CDH4: variants seen among roughly 807,000 people sequenced by gnomAD.
The protein encoded by CDH4 is cadherin-4.
A neutral mutation model predicts 86.0 loss-of-function variants in CDH4; 33 were observed. The ratio of observed to expected loss-of-function variants is 0.38; its 90% CI spans 0.29 to 0.51. CDH4 has a LOEUF of 0.51. CDH4 is among the 20% of genes least tolerant of loss of function. The pLI is 0.86. For missense variants in CDH4, 1,114 were observed against 1,307.4 expected, an observed-to-expected ratio of 0.85 and a Z score of 2.28; for synonymous variants, 555 against 549.4, an observed-to-expected ratio of 1.01 and a Z score of -0.14.
intron 7 of CDH4, among the ~76,000 whole-genome samples, chr20:61,889,341 G>GAT (rs1182539545): frequency 1.5e-5 from 2 of 133,476 alleles, no homozygotes; most frequent in African/African-American, 2.8e-5. Context: ...TGGATGGATG[G>GAT]GTGAGTGGAT....
chr20:61,719,027 G>A (rs1051921795), intron 2 of CDH4: 25 of 471,100 alleles, frequency 5.3e-5, no homozygotes, highest in African/African-American at 5.0e-4. Flanking sequence ...CTCTAAGTGT[G>A]ATGAGAGAAG....
intron 8 of CDH4, among the ~76,000 whole-genome samples, chr20:61,897,341 G>A (rs146248326): frequency 1.2e-4 from 19 of 152,002 alleles, no homozygotes; most frequent in South Asian, 1.2e-3. Flanking sequence ...TCCCCATCCC[G>A]AGACTCTGGG....
At chr20:61,610,682 A>G (rs555074246) in intron 2 of CDH4, among the ~76,000 whole-genome samples, 80 of 152,226 alleles carry the variant, frequency 5.3e-4, no homozygotes, top group Non-Finnish European at 9.6e-4. Context: ...GGGTGAGGTC[A>G]TATTTCCCCA....
At chr20:61,458,502 TGA>T (rs2085422854) in intron 2 of CDH4, among the ~76,000 whole-genome samples, 1 of 151,282 alleles carries the variant, frequency 6.6e-6, no homozygotes, top group African/African-American at 2.4e-5. Flanking sequence ...GATGGTATGG[TGA>T]TGGTCACGAT....
chr20:61,935,716 G>C (rs551111429), intron 15 of CDH4, among the ~76,000 whole-genome samples: 1 of 151,924 alleles, frequency 6.6e-6, no homozygotes, highest in Non-Finnish European at 1.5e-5. Flanking sequence ...TGAGACCCCC[G>C]TCTCTACTAA....
At chr20:61,439,278 G>GCGTTT (rs2085302254) in intron 2 of CDH4, among the ~76,000 whole-genome samples, 1 of 152,176 alleles carries the variant, frequency 6.6e-6, no homozygotes, top group Admixed American at 6.5e-5. Context: ...ACTGCAGTGT[G>GCGTTT]CATTTCGGTT....
chr20:61,583,136 G>A (rs1277257921), intron 2 of CDH4, among the ~76,000 whole-genome samples: 1 of 56,278 alleles, frequency 1.8e-5, no homozygotes, highest in African/African-American at 4.8e-5. Context: ...TCTGCGGGGG[G>A]ACAGAGGGCT....
At chr20:61,662,535 G>A (rs921231433) in intron 2 of CDH4, among the ~76,000 whole-genome samples, 6 of 152,214 alleles carry the variant, frequency 3.9e-5, no homozygotes, top group Non-Finnish European at 8.8e-5. Context: ...GCTGGGGGCT[G>A]GGGGGCACAG....
chr20:61,451,273 A>G (rs1234540900), intron 2 of CDH4, among the ~76,000 whole-genome samples: 1 of 152,008 alleles, frequency 6.6e-6, no homozygotes, highest in Non-Finnish European at 1.5e-5. Context: ...GGCTGCATAT[A>G]AGGAGGAAAC....
In CDH4 at chr20:61,663,544, G is replaced by A. The variant is rs757509069; in HGVS notation, c.170-80019G>A. 1.3e-5 allele frequency among the ~76,000 whole-genome samples: 2 copies of A among 152,164 alleles called. No individual in the cohort carries two copies. The highest frequency in any genetic ancestry group is 2.9e-5 in the Non-Finnish European group (2 of 68,044). On this transcript the variant is annotated intron_variant, in intron 2 of 15. Coordinates refer to ENST00000614565, the MANE Select transcript of CDH4 (RefSeq NM_001794.5). The surrounding 1 kb of genome is among the most constrained non-coding windows in gnomAD (Gnocchi z 5.0). ...AGAGGGGCCGGAGGAAGGTGAACAGGGCAGGGGGCAGTGGGGCTGGATTTT... is the reference window on the plus strand; with the variant it reads ...AGAGGGGCCGGAGGAAGGTGAACAGAGCAGGGGGCAGTGGGGCTGGATTTT...
intron 3 of CDH4, among the ~76,000 whole-genome samples, chr20:61,761,407 C>T (rs1400306684): frequency 6.6e-6 from 1 of 152,180 alleles, no homozygotes; most frequent in Non-Finnish European, 1.5e-5. Context: ...CAGGCATGGC[C>T]GGTCCTTCCC....
intron 2 of CDH4, among the ~76,000 whole-genome samples, chr20:61,625,780 G>A (rs2086825104): frequency 6.6e-6 from 1 of 152,204 alleles, no homozygotes; most frequent in Non-Finnish European, 1.5e-5. Flanking sequence ...TTCACCTTCA[G>A]CACAGGGCAG....
chr20:61,331,404 C>A lies in CDH4; in HGVS notation c.169+76467C>A, dbSNP rs532751833. 1.8e-4 allele frequency among the ~76,000 whole-genome samples: 27 copies of A among 152,192 alleles called. No homozygotes were observed. The East Asian group carries it at 5.2e-3, about 29-fold the overall frequency. ...TGTGTCCAGTCCCTTCGCCGGCACCCAGAGCCAACTCCCACTGGCTGGCCT... is the reference window on the plus strand; with the variant it reads ...TGTGTCCAGTCCCTTCGCCGGCACCAAGAGCCAACTCCCACTGGCTGGCCT... On this transcript the variant is annotated intron_variant, in intron 2 of 15. Transcript: ENST00000614565.
rs1339281102 is a variant in CDH4 at position 61,829,549 on chromosome 20, C to T, written c.577-15119C>T. Among the ~76,000 whole-genome samples the T allele has an allele frequency of 3.3e-5, 5 of 152,232 alleles. No individual in the cohort carries two copies. Among genetic ancestry groups the T allele is most frequent in the Admixed American group, 3.3e-4 (5 of 15,294 alleles). ...CTGGGTCACGCATGCAGCAGCTCTG[C>T]TCGCCTTTCTGGAGGCCACGAGCCT... On this transcript the variant is annotated intron_variant, in intron 4 of 15. Transcript: ENST00000614565. This position sits in a 1 kb window ranked among gnomAD's most constrained non-coding sequence, Gnocchi z 4.2.
At chr20:61,406,475 G>A (rs1448456690) in intron 2 of CDH4, among the ~76,000 whole-genome samples, 1 of 132,056 alleles carries the variant, frequency 7.6e-6, no homozygotes, top group Non-Finnish European at 1.6e-5. Flanking sequence ...GCTCTGCCTG[G>A]ACCACCATCT....
At chr20:61,456,573 G>T (rs960001389) in intron 2 of CDH4, among the ~76,000 whole-genome samples, 1 of 152,348 alleles carries the variant, frequency 6.6e-6, no homozygotes, top group African/African-American at 2.4e-5. Flanking sequence ...GTGGTTGAAA[G>T]TGCTGGGGTC....
At chr20:61,456,071 G>T (rs892519001) in intron 2 of CDH4, among the ~76,000 whole-genome samples, 11 of 152,094 alleles carry the variant, frequency 7.2e-5, no homozygotes, top group Non-Finnish European at 1.3e-4. Flanking sequence ...GAGAGGGATG[G>T]AGAGAAGGAA....
At chr20:61,602,499 A>G (rs969067336) in intron 2 of CDH4, among the ~76,000 whole-genome samples, 1 of 151,990 alleles carries the variant, frequency 6.6e-6, no homozygotes, top group African/African-American at 2.4e-5. Flanking sequence ...AAACAAATCA[A>G]TAATAATAAC....
chr20:61,931,545 G>A (rs79046600), intron 13 of CDH4, among the ~76,000 whole-genome samples: 3,277 of 152,362 alleles, frequency 0.022, 113 homozygotes, highest in African/African-American at 0.074. Flanking sequence ...ACCCTCTGCG[G>A]TACATAAGAG....
Sources: allele counts gnomAD v4.1 joint callset (sites outside exome capture counted in the v4.1 genomes callset), GRCh38; gene constraint gnomAD v4.1.1; non-coding constraint Gnocchi (gnomAD v3.1); transcripts MANE v1.5; gene names NCBI Gene and HGNC (gene_info 2026-07-23, HGNC 2026-07-21).